CSMD1: variants seen among roughly 807,000 people sequenced by gnomAD.
The protein encoded by CSMD1 is CUB and Sushi multiple domains 1.
In CSMD1, 213 loss-of-function variants were observed where a neutral mutation model predicts 417.5. The observed-to-expected ratio is 0.51, with a 90% CI of 0.46 to 0.57. CSMD1 has a LOEUF of 0.57. CSMD1 is among the 20% of genes least tolerant of loss of function. The pLI, the probability that CSMD1 is intolerant of heterozygous loss-of-function variation, is 0.00. For synonymous variants in CSMD1, 2,862 were observed against 1,736.8 expected (o/e 1.65, Z -16.11); for missense variants, 6,923 against 4,529.7 (o/e 1.53, Z -15.17).
intron 2 of CSMD1, among the ~76,000 whole-genome samples, chr8:4,601,082 A>C (rs547648431): frequency 6.6e-6 from 1 of 150,612 alleles, no homozygotes; most frequent in Admixed American, 6.6e-5. Flanking sequence ...TCAGCCTCCC[A>C]AGTAGCTGGG....
At chr8:3,362,607 T>A (rs1809268073) in intron 20 of CSMD1, among the ~76,000 whole-genome samples, 1 of 152,180 alleles carries the variant, frequency 6.6e-6, no homozygotes, top group African/African-American at 2.4e-5. Flanking sequence ...TTCTTTAATA[T>A]GATCCTGTTA....
chr8:4,128,598 T>C (rs751595846), intron 3 of CSMD1, among the ~76,000 whole-genome samples: 6 of 152,294 alleles, frequency 3.9e-5, no homozygotes, highest in East Asian at 3.9e-4. Flanking sequence ...TCAAAGACCA[T>C]TGTTACAAAG....
At chr8:3,212,697 G>A in intron 30 of CSMD1, among the ~76,000 whole-genome samples, 1 of 152,094 alleles carries the variant, frequency 6.6e-6, no homozygotes, top group East Asian at 1.9e-4. Context: ...GGTCCAGACA[G>A]CTACACTTCT....
intron 7 of CSMD1, among the ~76,000 whole-genome samples, chr8:3,686,368 G>A (rs527826439): frequency 1.3e-5 from 2 of 152,114 alleles, no homozygotes; most frequent in Admixed American, 6.6e-5. Context: ...TTCTAGGATA[G>A]GGAGGTGCCG....
chr8:3,847,374 C>G (rs1215501663), intron 5 of CSMD1, among the ~76,000 whole-genome samples: 2 of 152,148 alleles, frequency 1.3e-5, no homozygotes, highest in Non-Finnish European at 2.9e-5. Flanking sequence ...GTGGTCCCCT[C>G]CTGCTGGCCT....
intron 5 of CSMD1, among the ~76,000 whole-genome samples, chr8:3,849,538 A>T (rs916278580): frequency 6.6e-6 from 1 of 152,220 alleles, no homozygotes; most frequent in African/African-American, 2.4e-5. Flanking sequence ...TGACGACTTC[A>T]GCAGAAATTG....
chr8:4,313,905 T>C (rs10089045), intron 3 of CSMD1, among the ~76,000 whole-genome samples: 42,418 of 151,582 alleles, frequency 0.28, 7,092 homozygotes, highest in African/African-American at 0.47. Flanking sequence ...TCCCAGCTAC[T>C]TGGGAGGCTG....
intron 26 of CSMD1, among the ~76,000 whole-genome samples, chr8:3,270,502 A>G (rs1325302415): frequency 6.6e-6 from 1 of 152,232 alleles, no homozygotes; most frequent in Non-Finnish European, 1.5e-5. Context: ...ACTTCATAAA[A>G]CTATTCTGCC....
rs117498604 is a variant in CSMD1, at chr8:4,327,451, C to G, written c.415+92502G>C. 4.2e-3 allele frequency among the ~76,000 whole-genome samples: 633 copies of G among 152,270 alleles called. 27 individuals carry two copies. In the South Asian group the frequency reaches 0.1, roughly 25 times the overall value. On this transcript the variant is annotated intron_variant, in intron 3 of 69. Coordinates refer to ENST00000635120, the MANE Select transcript of CSMD1 (RefSeq NM_033225.6). ...CAATCAGTCGGATTGTTTGCAGCCTCCAGGTTGCTGCCTGTAGGTAACTGG... is the reference window on the plus strand; with the variant it reads ...CAATCAGTCGGATTGTTTGCAGCCTGCAGGTTGCTGCCTGTAGGTAACTGG...
chr8:4,194,968 G>A (rs971343183), intron 3 of CSMD1, among the ~76,000 whole-genome samples: 2 of 151,708 alleles, frequency 1.3e-5, no homozygotes, highest in African/African-American at 4.9e-5. Flanking sequence ...ATATGAGAAT[G>A]GACTATCTAG....
intron 11 of CSMD1, among the ~76,000 whole-genome samples, chr8:3,475,294 A>C (rs1817342147): frequency 6.6e-6 from 1 of 152,184 alleles, no homozygotes; most frequent in African/African-American, 2.4e-5. Context: ...CTCTGGGTGC[A>C]ATTTTATGTC....
At chr8:3,790,009 G>T (rs531824860) in intron 5 of CSMD1, among the ~76,000 whole-genome samples, 2 of 152,150 alleles carry the variant, frequency 1.3e-5, no homozygotes, top group Admixed American at 6.5e-5. Context: ...GGGATTACAG[G>T]CGTAAGCCAC....
At chr8:3,123,593 G>A (rs1250195617) in intron 41 of CSMD1, among the ~76,000 whole-genome samples, 4 of 142,904 alleles carry the variant, frequency 2.8e-5, no homozygotes, top group East Asian at 3.9e-4. Flanking sequence ...AAATATGAAC[G>A]CTAATAAAAC....
At chr8:4,932,196 A>C (rs915677651) in intron 1 of CSMD1, among the ~76,000 whole-genome samples, 2 of 151,266 alleles carry the variant, frequency 1.3e-5, no homozygotes, top group Admixed American at 6.6e-5. Context: ...AAAACTGTAA[A>C]CTTTGAATTT....
intron 5 of CSMD1, among the ~76,000 whole-genome samples, chr8:3,947,509 T>G (rs190568319): frequency 1.2e-4 from 19 of 152,330 alleles, no homozygotes; most frequent in African/African-American, 3.8e-4. Context: ...TACTTCATAT[T>G]TGGAAATTAA....
chr8:4,316,470 T>C (rs1215111813), intron 3 of CSMD1, among the ~76,000 whole-genome samples: 1 of 152,176 alleles, frequency 6.6e-6, no homozygotes, highest in Non-Finnish European at 1.5e-5. Flanking sequence ...CTTTCGATGC[T>C]GAAAACCTCA....
At chr8:3,709,610 C>A (rs1240715057) in intron 6 of CSMD1, among the ~76,000 whole-genome samples, 1 of 145,692 alleles carries the variant, frequency 6.9e-6, no homozygotes, top group Non-Finnish European at 1.5e-5. Flanking sequence ...CCAAATAGAA[C>A]AAAAGGCTGA....
intron 5 of CSMD1, among the ~76,000 whole-genome samples, chr8:3,766,566 T>C (rs1798281787): frequency 6.6e-6 from 1 of 152,048 alleles, no homozygotes; most frequent in Non-Finnish European, 1.5e-5. Flanking sequence ...TGGATATCCA[T>C]ATCATATTTT....
At position 3,187,930 on chromosome 8, in the gene CSMD1, C is replaced by A. The variant is rs371215743; in HGVS notation, c.5559G>T (p.Trp1853Cys). The A allele has an allele frequency of 6.2e-7, 1 of 1,613,188 alleles. No individual in the cohort carries two copies. The highest frequency in any genetic ancestry group is 8.5e-7 in the Non-Finnish European group (1 of 1,179,702). Residue 1853 changes from tryptophan (W) to cysteine (C), a missense_variant, in exon 36 of 70, where the codon TGG (tryptophan) becomes TGT (cysteine). Coordinates refer to ENST00000635120, the MANE Select transcript of CSMD1 (RefSeq NM_033225.6). The part of the protein sequence containing the change: ...QVISFATEQN[W>C]DSLEIHDGGD... ...CACCATCGTGGATCTCAAGGGAGTC[C>A]CAGTTCTGCTCCGTGGCAAAACTGA... is the stretch of plus-strand genomic sequence containing the variant.
Sources: gnomAD v4.1 joint callset for allele counts (sites outside exome capture counted in the v4.1 genomes callset) on GRCh38, gnomAD v4.1.1 for gene constraint, MANE v1.5 for transcripts, NCBI Gene and HGNC (gene_info 2026-07-23, HGNC 2026-07-21) for gene names.